SKIC8: variants seen among roughly 807,000 people sequenced by gnomAD.
SKIC8 encodes superkiller complex protein 8.
At chr15:78,291,510 C>T in the SKIC8 span, among the ~76,000 whole-genome samples, 1 of 152,082 alleles carries the variant, frequency 6.6e-6, no homozygotes, top group Non-Finnish European at 1.5e-5. Context: ...CATATCCCAC[C>T]CCACGTACTC....
At chr15:78,292,357 G>C in the SKIC8 span, 1 of 365,650 alleles carries the variant, frequency 2.7e-6, no homozygotes, top group African/African-American at 2.1e-5. Flanking sequence ...AATCTAACCT[G>C]AATTGACATA....
chr15:78,293,200 C>G, the SKIC8 span: 1 of 1,614,108 alleles, frequency 6.2e-7, no homozygotes, highest in Non-Finnish European at 8.5e-7. Flanking sequence ...ATCTAGGGAG[C>G]CTGTGACCAC....
the SKIC8 span, chr15:78,292,871 T>G: frequency 6.8e-7 from 1 of 1,472,306 alleles, no homozygotes; most frequent in Non-Finnish European, 9.3e-7. Flanking sequence ...CCTGTGACTA[T>G]GCAATACCAA....
At chr15:78,288,212 CT>C in the SKIC8 span, 17 of 1,479,108 alleles carry the variant, frequency 1.1e-5, no homozygotes, top group South Asian at 1.9e-4. Flanking sequence ...ACTAGGGCTC[CT>C]CCCTAGGGCT....
the SKIC8 span, chr15:78,293,148 T>C: frequency 8.1e-6 from 13 of 1,605,496 alleles, no homozygotes; most frequent in Non-Finnish European, 8.5e-6. Flanking sequence ...AGGCTGTATG[T>C]TAGGGGAGAG....
the SKIC8 span, among the ~76,000 whole-genome samples, chr15:78,296,704 T>C: frequency 2.0e-5 from 3 of 152,188 alleles, no homozygotes; most frequent in Admixed American, 6.5e-5. Context: ...GGTCTCCCTA[T>C]GTTGCCTAGG....
chr15:78,292,948 T>A, the SKIC8 span: 1 of 993,130 alleles, frequency 1.0e-6, no homozygotes, highest in Non-Finnish European at 1.5e-6. Flanking sequence ...TGCCAGGTTT[T>A]AAATGTAGGA....
At chr15:78,294,776 TTG>T in the SKIC8 span, 3 of 598,064 alleles carry the variant, frequency 5.0e-6, no homozygotes, top group South Asian at 2.7e-5. Context: ...GTTTTTGTTG[TTG>T]TTGTTGTTGT....
At chr15:78,292,894 T>C in the SKIC8 span, 2 of 1,307,872 alleles carry the variant, frequency 1.5e-6, no homozygotes, top group East Asian at 4.8e-5. Flanking sequence ...GTCTATGAAA[T>C]ACAGAATCAG....
At chr15:78,285,225 C>A in the SKIC8 span, 87 of 1,603,424 alleles carry the variant, frequency 5.4e-5, no homozygotes, top group Non-Finnish European at 7.3e-5. Context: ...GGTCAAACAA[C>A]CCCGACTATC....
At chr15:78,288,281 T>C in the SKIC8 span, 1 of 1,613,686 alleles carries the variant, frequency 6.2e-7, no homozygotes, top group Non-Finnish European at 8.5e-7. Flanking sequence ...GCCTTTAAGG[T>C]AACTTACACA....
the SKIC8 span, chr15:78,288,339 G>C: frequency 6.2e-7 from 1 of 1,613,916 alleles, no homozygotes; most frequent in African/African-American, 1.3e-5. Context: ...CAAGGAGCTG[G>C]GAGTCCGGGG....
chr15:78,283,534 A>G, the SKIC8 span: 2 of 1,589,146 alleles, frequency 1.3e-6, no homozygotes, highest in Non-Finnish European at 1.7e-6. Context: ...GTAAATTTAA[A>G]AAAAGATAGT....
At chr15:78,292,881 A>G in the SKIC8 span, 6 of 1,363,148 alleles carry the variant, frequency 4.4e-6, no homozygotes, top group African/African-American at 2.9e-5. Context: ...TGCAATACCA[A>G]TGGTCTATGA....
chr15:78,283,615 A>C, the SKIC8 span: 2 of 971,430 alleles, frequency 2.1e-6, no homozygotes, highest in Non-Finnish European at 3.0e-6. Flanking sequence ...TTCTGAATCT[A>C]CCAAAACTGA....
At chr15:78,285,709 T>C in the SKIC8 span, 1 of 432,090 alleles carries the variant, frequency 2.3e-6, no homozygotes, top group Non-Finnish European at 4.1e-6. Flanking sequence ...ATCCCAGGCC[T>C]GACCAACACT....
At chr15:78,288,413 G>A in the SKIC8 span, 6 of 1,602,672 alleles carry the variant, frequency 3.7e-6, no homozygotes, top group Non-Finnish European at 5.1e-6. Context: ...TGTTAATCTG[G>A]TGAACCACTG....
chr15:78,298,365 A>T, the SKIC8 span, among the ~76,000 whole-genome samples: 390 of 152,338 alleles, frequency 2.6e-3, 2 homozygotes, highest in Middle Eastern at 0.014. Flanking sequence ...TAAGTAATAC[A>T]CAAAGATTTA....
the SKIC8 span, among the ~76,000 whole-genome samples, chr15:78,293,701 C>T: frequency 2.4e-4 from 36 of 152,304 alleles, 1 homozygote; most frequent in South Asian, 3.5e-3. Flanking sequence ...CAGTATAGAT[C>T]TAAAAGAAAA....
Sources: gnomAD v4.1 joint callset for allele counts (sites outside exome capture counted in the v4.1 genomes callset) on GRCh38, gnomAD v4.1.1 for gene constraint, MANE v1.5 for transcripts, NCBI Gene and HGNC (gene_info 2026-07-23, HGNC 2026-07-21) for gene names.